ERMP1: variants seen among roughly 807,000 people sequenced by gnomAD.
The protein encoded by ERMP1 is endoplasmic reticulum metallopeptidase 1, also known as Felix-ina.
In ERMP1, 86 loss-of-function variants were observed where a neutral mutation model predicts 92.0. The ratio of observed to expected loss-of-function variants is 0.93; its 90% CI spans 0.79 to 1.12. The LOEUF is 1.12. ERMP1 is among the 50% of genes most tolerant of loss of function. ERMP1 has a pLI of 0.00. For missense variants in ERMP1, 1,342 were observed against 1,116.3 expected (o/e 1.20, Z -2.88); for synonymous variants, 530 against 412.8 (o/e 1.28, Z -3.44).
intron 3 of ERMP1, among the ~76,000 whole-genome samples, chr9:5,824,855 CTCAA>C (rs1239662517): frequency 2.0e-5 from 3 of 152,184 alleles, no homozygotes; most frequent in Admixed American, 6.5e-5. Context: ...GAGCCCTTCT[CTCAA>C]TCAAATCCTG....
chr9:5,866,837 T>C (rs1830680532), intron 5 of ERMP1, among the ~76,000 whole-genome samples: 1 of 152,174 alleles, frequency 6.6e-6, no homozygotes, highest in Non-Finnish European at 1.5e-5. Flanking sequence ...TTTCTATTCG[T>C]GAGCCCTCAG....
chr9:5,795,794 G>T (rs1197673774), intron 13 of ERMP1, among the ~76,000 whole-genome samples: 2 of 151,572 alleles, frequency 1.3e-5, no homozygotes, highest in Non-Finnish European at 2.9e-5. Context: ...AAAAGAAAAA[G>T]AAAAGAAAAT....
rs1827938207 is a variant in ERMP1, at chr9:5,786,438, CAG to C, written c.*704_*705del. 1 of 152,220 alleles carries C rather than the reference CAG, an allele frequency of 6.6e-6. No homozygotes were observed. The highest frequency in any genetic ancestry group is 2.1e-4 in the South Asian group (1 of 4,816). 9.4% of individuals were successfully genotyped at this position (152,220 alleles called of 1,614,324 possible). ...AACTTGGTAAGATGGAGAGGGGTAA[CAG>C]ACATGTTTCAGAGGAAAACAGGCAT... On this transcript the variant is annotated 3_prime_UTR_variant, in exon 15 of 15. Coordinates refer to ENST00000339450, the MANE Select transcript of ERMP1 (RefSeq NM_024896.3).
rs555533271 is a variant in ERMP1, at chr9:5,785,356, T to C, written c.*1788A>G. On this transcript the variant is annotated 3_prime_UTR_variant, in exon 15 of 15. Coordinates refer to ENST00000339450, the MANE Select transcript of ERMP1 (RefSeq NM_024896.3). ...AAAATTCATTGAGAAATTATTACTT[T>C]TTCTCCACAACTGTGATTCTATACA... The C allele has an allele frequency of 2.6e-5, 4 of 152,328 alleles. No homozygotes were observed. The highest frequency in any genetic ancestry group is 3.9e-4 in the East Asian group (2 of 5,190). The allele number at this position is 152,328 out of a possible 1,614,324, so 9.4% of individuals were successfully genotyped here.
intron 6 of ERMP1, among the ~76,000 whole-genome samples, chr9:5,848,321 G>A (rs141371648): frequency 6.6e-6 from 1 of 152,226 alleles, no homozygotes; most frequent in East Asian, 1.9e-4. Flanking sequence ...AGGTCGGAGT[G>A]GCCACGAGAT....
Position 5,810,113 on chromosome 9 carries a change from G to A in ERMP1, c.1446C>T (p.Leu482=), listed in dbSNP as rs1829034033. The change falls in exon 8 of 15, where the codon CTC becomes CTT. Residue 482 remains leucine, a synonymous_variant. Coordinates refer to ENST00000339450, the MANE Select transcript of ERMP1 (RefSeq NM_024896.3). ...AVFISLIGQS[L]SWYNHFYVSV... ...AGACATAGAAGTGGTTATACCATGA[G>A]AGAGACTGTCCAATAAGAGAGATGA... 6.2e-7 allele frequency: 1 copy of A among 1,613,692 alleles called. No individual in the cohort carries two copies.
intron 4 of ERMP1, among the ~76,000 whole-genome samples, chr9:5,814,907 A>C (rs538569449): frequency 7.3e-5 from 11 of 151,632 alleles, no homozygotes; most frequent in Non-Finnish European, 1.3e-4. Context: ...TAATCTATTT[A>C]AAAGAGTCCT....
intron 6 of ERMP1, among the ~76,000 whole-genome samples, chr9:5,842,542 G>A (rs1318916274): frequency 6.6e-6 from 1 of 151,990 alleles, no homozygotes; most frequent in African/African-American, 2.4e-5. Flanking sequence ...CCACAAAGTT[G>A]TTCACTTTTA....
intron 8 of ERMP1, among the ~76,000 whole-genome samples, chr9:5,807,475 G>C (rs950570210): frequency 7.9e-5 from 12 of 152,350 alleles, no homozygotes; most frequent in Non-Finnish European, 1.3e-4. Flanking sequence ...GCCAGGTGCA[G>C]TGGCTCATGC....
intron 6 of ERMP1, among the ~76,000 whole-genome samples, chr9:5,843,635 C>G: frequency 6.6e-6 from 1 of 152,278 alleles, no homozygotes; most frequent in South Asian, 2.1e-4. Context: ...TTGTCAAATG[C>G]CCCCCTCCCC....
chr9:5,863,618 T>G (rs918770380), intron 5 of ERMP1, among the ~76,000 whole-genome samples: 4 of 152,174 alleles, frequency 2.6e-5, no homozygotes, highest in African/African-American at 9.7e-5. Context: ...AGCGTTACTG[T>G]TGATATACTA....
chr9:5,811,315 T>C lies in ERMP1; in HGVS notation c.1123A>G (p.Ile375Val). 6.2e-7 allele frequency: 1 copy of C among 1,604,878 alleles called. No individual in the cohort carries two copies. Among genetic ancestry groups the C allele is most frequent in the Admixed American group, 1.7e-5 (1 of 58,542 alleles). ...TDSIQRAGDN[I>V]LAVLKHLATS... ...GCTAGATGCTTAAGAACTGCTAAAATGTTGTCACCTATTAGTAAAAACAAA... is the reference window on the plus strand; with the variant it reads ...GCTAGATGCTTAAGAACTGCTAAAACGTTGTCACCTATTAGTAAAAACAAA... The change falls in exon 7 of 15, where the codon ATT (isoleucine) becomes GTT (valine). Residue 375 changes from isoleucine to valine, a missense_variant. Transcript: ENST00000339450.
At position 5,830,987 on chromosome 9, in the gene ERMP1, G is replaced by T; in HGVS notation, c.380C>A (p.Thr127Lys). The change falls in exon 2 of 15, where the codon ACA (threonine) becomes AAA (lysine). Residue 127 changes from threonine (T) to lysine (K), a missense_variant. Physicochemically the swap from Thr to Lys is moderately conservative, Grantham distance 78. Transcript: ENST00000339450. The stretch of plus-strand genomic sequence containing the variant: ...CAGAATTTCATTTTCTGGACTTCCT[G>T]TAGTCCTGGGGCCAATGGAGGTTAT... ...EHITSIGPRT[T>K]GSPENEILTV... is the part of the protein sequence containing the mutation. The T allele has an allele frequency of 6.2e-7, 1 of 1,614,120 alleles. No individual in the cohort carries two copies. Among genetic ancestry groups the T allele is most frequent in the Non-Finnish European group, 8.5e-7 (1 of 1,179,990 alleles).
intron 1 of ERMP1, among the ~76,000 whole-genome samples, chr9:5,831,557 G>T (rs1829940308): frequency 6.6e-6 from 1 of 152,152 alleles, no homozygotes; most frequent in South Asian, 2.1e-4. Flanking sequence ...ACAGACCCGA[G>T]ATGGAGCCAC....
intron 8 of ERMP1, among the ~76,000 whole-genome samples, chr9:5,807,262 T>C (rs60766148): frequency 0.02 from 3,048 of 152,314 alleles, 103 homozygotes; most frequent in African/African-American, 0.068. Context: ...AACATTTTAA[T>C]AGTGGCCCCA....
intron 4 of ERMP1, among the ~76,000 whole-genome samples, chr9:5,822,728 G>C (rs533949317): frequency 2.3e-4 from 35 of 152,216 alleles, no homozygotes; most frequent in African/African-American, 7.7e-4. Flanking sequence ...AAATGGAATG[G>C]AACTTCCAAT....
At chr9:5,830,019 G>C (rs1269221360) in intron 2 of ERMP1, among the ~76,000 whole-genome samples, 1 of 152,162 alleles carries the variant, frequency 6.6e-6, no homozygotes, top group Admixed American at 6.5e-5. Context: ...ATGATTTTCA[G>C]AGAAAGATTT....
intron 8 of ERMP1, 108 bp downstream of exon 8, chr9:5,809,903 G>A (rs1337161353): frequency 4.1e-6 from 3 of 731,232 alleles, no homozygotes; most frequent in Non-Finnish European, 4.6e-6. Flanking sequence ...TAACCATGCT[G>A]AACAATTTTT....
intron 13 of ERMP1, chr9:5,791,088 A>AT (rs1828174194): frequency 5.8e-6 from 2 of 343,976 alleles, no homozygotes; most frequent in Admixed American, 6.7e-5. Flanking sequence ...GTACTCAGAA[A>AT]AAGTATAGCG....
Sources: gnomAD v4.1 joint callset for allele counts (sites outside exome capture counted in the v4.1 genomes callset) on GRCh38, gnomAD v4.1.1 for gene constraint, MANE v1.5 for transcripts, NCBI Gene and HGNC (gene_info 2026-07-23, HGNC 2026-07-21) for gene names.